SORBS2: variants seen among roughly 807,000 people sequenced by gnomAD.
SORBS2 encodes sorbin and SH3 domain-containing protein 2.
Under a neutral mutation model 97.7 loss-of-function variants are expected in SORBS2, and 46 were observed. That is an observed-to-expected ratio of 0.47 (90% CI 0.37 to 0.60). The LOEUF (loss-of-function observed/expected upper bound fraction) is 0.60. Among genes scored for constraint, SORBS2 ranks in the 20% least tolerant of loss-of-function variants. The probability of loss-of-function intolerance (pLI) is 0.00; values close to 1 mark genes in which losing one functional copy is unlikely to be tolerated. For missense variants in SORBS2, 1,316 were observed against 1,282.3 expected, an observed-to-expected ratio of 1.03 and a Z score of -0.40; for synonymous variants, 476 against 473.4, an observed-to-expected ratio of 1.01 and a Z score of -0.07.
At chr4:185,893,305 T>C (rs1392169887) in intron 1 of SORBS2, among the ~76,000 whole-genome samples, 1 of 152,170 alleles carries the variant, frequency 6.6e-6, no homozygotes, top group African/African-American at 2.4e-5. Flanking sequence ...AGTGTGAGCC[T>C]GGGGTAGGCG....
At chr4:185,658,446 T>C (rs2097446947), upstream of SORBS2, among the ~76,000 whole-genome samples, 1 of 152,146 alleles carries the variant, frequency 6.6e-6, no homozygotes, top group Non-Finnish European at 1.5e-5. Context: ...GTTCCTCTGG[T>C]ATGATTAATA....
intron 10 of SORBS2, 30 bp downstream of exon 22, chr4:185,615,015 C>T: frequency 6.2e-7 from 1 of 1,613,636 alleles, no homozygotes; most frequent in Non-Finnish European, 8.5e-7. Context: ...GAAACCACCG[C>T]CATCCAAGAG....
intron 2 of SORBS2, among the ~76,000 whole-genome samples, chr4:185,761,253 T>C (rs1441070752): frequency 6.6e-6 from 1 of 152,254 alleles, no homozygotes; most frequent in Non-Finnish European, 1.5e-5. Context: ...GACTTTTTCC[T>C]GAATGTTGAT....
chr4:185,876,064 T>A (rs999629637), intron 1 of SORBS2, among the ~76,000 whole-genome samples: 1 of 152,206 alleles, frequency 6.6e-6, no homozygotes, highest in African/African-American at 2.4e-5. Context: ...TGTAAAGTAC[T>A]TCTCTATTGC....
At chr4:185,727,600 T>C (rs2098566565) in intron 2 of SORBS2, among the ~76,000 whole-genome samples, 2 of 152,352 alleles carry the variant, frequency 1.3e-5, no homozygotes, top group South Asian at 4.1e-4. Context: ...ATTAACTTCA[T>C]TTCAACAAGC....
intron 1 of SORBS2, among the ~76,000 whole-genome samples, chr4:185,871,789 G>A (rs565278260): frequency 6.6e-6 from 1 of 152,196 alleles, no homozygotes; most frequent in African/African-American, 2.4e-5. Flanking sequence ...GCAGCCCCTC[G>A]GTATTGTGCT....
At chr4:185,908,076 C>A (rs1025835775) in intron 1 of SORBS2, among the ~76,000 whole-genome samples, 1 of 151,904 alleles carries the variant, frequency 6.6e-6, no homozygotes, top group South Asian at 2.1e-4. Context: ...CATGCACATT[C>A]TCCCAAAACA....
intron 1 of SORBS2, among the ~76,000 whole-genome samples, chr4:185,926,585 A>G (rs907541789): frequency 6.6e-5 from 10 of 151,316 alleles, no homozygotes; most frequent in Non-Finnish European, 1.3e-4. Context: ...GTAGAATTCT[A>G]TTATAAAAGC....
intron 4 of SORBS2, among the ~76,000 whole-genome samples, chr4:185,632,472 T>C (rs998494549): frequency 3.3e-5 from 5 of 152,156 alleles, no homozygotes. Flanking sequence ...ACTGGGAAGG[T>C]AGAAAAATAG....
intron 1 of SORBS2, among the ~76,000 whole-genome samples, chr4:185,852,244 A>G (rs1421906433): frequency 6.6e-6 from 1 of 152,216 alleles, no homozygotes; most frequent in East Asian, 1.9e-4. Context: ...TGTTAAGGCC[A>G]CTAAGTCACT....
At chr4:185,819,742 T>C (rs538059182) in intron 1 of SORBS2, among the ~76,000 whole-genome samples, 1 of 152,320 alleles carries the variant, frequency 6.6e-6, no homozygotes, top group South Asian at 2.1e-4. Flanking sequence ...CATTCCTGCC[T>C]GGGGGTGTCC....
chr4:185,675,728 G>GTTA (rs1345555227), intron 4 of SORBS2, among the ~76,000 whole-genome samples: 1 of 152,184 alleles, frequency 6.6e-6, no homozygotes, highest in Non-Finnish European at 1.5e-5. Context: ...TCCTATTAAT[G>GTTA]TTATTATTAT....
At position 185,639,046 on chromosome 4, in the gene SORBS2, G is replaced by C; in HGVS notation, c.396+7622C>G. 2 of 1,512,118 alleles carry C rather than the reference G, an allele frequency of 1.3e-6. No homozygotes were observed. Among genetic ancestry groups the C allele is most frequent in the Non-Finnish European group, 1.8e-6 (2 of 1,131,344 alleles). 93.7% of individuals were successfully genotyped at this position (1,512,118 alleles called of 1,614,324 possible). On this transcript the variant is annotated intron_variant, in intron 4 of 14. Transcript: ENST00000418609. ...TGTTGGGAGAGGGGGCTGCAAGAAAGAGGGGTGCAGAAACTGGTTCATTAG... is the reference window on the plus strand; with the variant it reads ...TGTTGGGAGAGGGGGCTGCAAGAAACAGGGGTGCAGAAACTGGTTCATTAG...
intron 1 of SORBS2, among the ~76,000 whole-genome samples, chr4:185,842,973 C>T: frequency 6.7e-6 from 1 of 148,198 alleles, no homozygotes. Flanking sequence ...GCTTCTAGGA[C>T]AGGCAGCTGG....
intron 1 of SORBS2, among the ~76,000 whole-genome samples, chr4:185,825,158 G>T (rs2099199064): frequency 6.6e-6 from 1 of 151,976 alleles, no homozygotes; most frequent in Non-Finnish European, 1.5e-5. Context: ...AAATCTCAGA[G>T]AATTATTAGG....
At chr4:185,935,986 G>A (rs144608149) in intron 1 of SORBS2, among the ~76,000 whole-genome samples, 14,903 of 152,112 alleles carry the variant, frequency 0.098, 1,441 homozygotes, top group African/African-American at 0.26. Flanking sequence ...TGAGTAGTTG[G>A]GATTACAGGT....
chr4:185,879,684 G>A (rs1165762134), intron 1 of SORBS2, among the ~76,000 whole-genome samples: 5 of 138,872 alleles, frequency 3.6e-5, no homozygotes, highest in Non-Finnish European at 6.4e-5. Flanking sequence ...AGCACCTGTT[G>A]TTTCCTGACT....
chr4:185,836,265 A>T (rs1181448132), intron 1 of SORBS2, among the ~76,000 whole-genome samples: 4 of 152,176 alleles, frequency 2.6e-5, no homozygotes, highest in Non-Finnish European at 5.9e-5. Context: ...GCTGAGGCTA[A>T]CTGAAAGCTT....
chr4:185,592,463 A>G (rs59240015), intron 13 of SORBS2, among the ~76,000 whole-genome samples: 2,218 of 152,322 alleles, frequency 0.015, 53 homozygotes, highest in African/African-American at 0.051. Flanking sequence ...ATTTTTTATC[A>G]TGTGATCTTA....
Sources: allele counts gnomAD v4.1 joint callset (sites outside exome capture counted in the v4.1 genomes callset), GRCh38; gene constraint gnomAD v4.1.1; transcripts MANE v1.5; gene names NCBI Gene and HGNC (gene_info 2026-07-23, HGNC 2026-07-21).